The following NYAP2 variants were observed in gnomAD, a reference collection of about 807,000 sequenced individuals.
NYAP2 encodes the protein neuronal tyrosine-phosphorylated phosphoinositide-3-kinase adapter 2.
In NYAP2, 23 loss-of-function variants were observed where a neutral mutation model predicts 50.4. The observed-to-expected ratio is 0.46, with a 90% CI of 0.33 to 0.65. The LOEUF (loss-of-function observed/expected upper bound fraction) is 0.65. Among genes scored for constraint, NYAP2 ranks in the 30% least tolerant of loss-of-function variants. The pLI, the probability that NYAP2 is intolerant of heterozygous loss-of-function variation, is 0.02. For synonymous variants in NYAP2, 394 were observed against 365.2 expected, an observed-to-expected ratio of 1.08 and a Z score of -0.90; for missense variants, 885 against 861.0, an observed-to-expected ratio of 1.03 and a Z score of -0.35.
At chr2:225,587,183 G>A (rs1016954702) in intron 5 of NYAP2, among the ~76,000 whole-genome samples, 15 of 152,148 alleles carry the variant, frequency 9.9e-5, no homozygotes, top group Admixed American at 8.5e-4. Context: ...AATTTGAGAT[G>A]AGATTTGGTG....
intron 5 of NYAP2, among the ~76,000 whole-genome samples, chr2:225,593,394 A>G (rs371786004): frequency 1.3e-5 from 2 of 152,288 alleles, no homozygotes; most frequent in African/African-American, 4.8e-5. Context: ...GTAAATCTCC[A>G]AAGGGAGGAC....
chr2:225,647,054 C>G (rs757673911), intron 6 of NYAP2, among the ~76,000 whole-genome samples: 14 of 152,040 alleles, frequency 9.2e-5, no homozygotes, highest in Non-Finnish European at 1.6e-4. Context: ...AGCCTTTGAT[C>G]TGGTTAGATA....
intron 6 of NYAP2, among the ~76,000 whole-genome samples, chr2:225,650,607 C>T (rs191756760): frequency 6.6e-6 from 1 of 152,348 alleles, no homozygotes; most frequent in East Asian, 1.9e-4. Context: ...TGTAACTCCT[C>T]ACAGAAGCTG....
chr2:225,648,984 A>G (rs906319052), intron 6 of NYAP2, among the ~76,000 whole-genome samples: 1 of 152,246 alleles, frequency 6.6e-6, no homozygotes, highest in African/African-American at 2.4e-5. Context: ...GAAGGAATGC[A>G]TATCACAGGT....
At chr2:225,446,547 C>T (rs1278234246) in intron 3 of NYAP2, among the ~76,000 whole-genome samples, 3 of 151,772 alleles carry the variant, frequency 2.0e-5, no homozygotes, top group East Asian at 1.9e-4. Context: ...TATGAAAATA[C>T]AAAGTTATAT....
chr2:225,629,252 A>G (rs1340653651), intron 6 of NYAP2, among the ~76,000 whole-genome samples: 2 of 152,196 alleles, frequency 1.3e-5, no homozygotes, highest in Non-Finnish European at 2.9e-5. Flanking sequence ...TCAAGAAGAA[A>G]GAGTAAATTT....
chr2:225,499,729 G>A (rs1460312173), intron 3 of NYAP2, among the ~76,000 whole-genome samples: 1 of 152,142 alleles, frequency 6.6e-6, no homozygotes, highest in African/African-American at 2.4e-5. Context: ...TTGCCGTCTT[G>A]TTCAAAGGTG....
intron 6 of NYAP2, among the ~76,000 whole-genome samples, chr2:225,648,983 C>G (rs1420070075): frequency 6.6e-6 from 1 of 152,082 alleles, no homozygotes. Flanking sequence ...TGAAGGAATG[C>G]ATATCACAGG....
At chr2:225,491,885 C>T (rs1407071025) in intron 3 of NYAP2, among the ~76,000 whole-genome samples, 5 of 152,288 alleles carry the variant, frequency 3.3e-5, no homozygotes, top group East Asian at 1.9e-4. Context: ...AGTTTATTTT[C>T]GTTATGCATT....
chr2:225,481,271 A>G (rs1027097860), intron 3 of NYAP2, among the ~76,000 whole-genome samples: 3 of 152,152 alleles, frequency 2.0e-5, no homozygotes, highest in Non-Finnish European at 2.9e-5. Flanking sequence ...GTTTACATCC[A>G]TGGTCAAATT....
At chr2:225,425,447 A>G (rs561501679) in intron 3 of NYAP2, among the ~76,000 whole-genome samples, 1 of 152,322 alleles carries the variant, frequency 6.6e-6, no homozygotes, top group Admixed American at 6.5e-5. Context: ...CCATTAAGCA[A>G]ATTATTTAGT....
chr2:225,425,141 A>T (rs1326653306), intron 3 of NYAP2, among the ~76,000 whole-genome samples: 1 of 152,138 alleles, frequency 6.6e-6, no homozygotes, highest in Non-Finnish European at 1.5e-5. Flanking sequence ...ATGTCTGTGG[A>T]CTGGCCATGT....
chr2:225,549,172 T>C (rs959475726), intron 4 of NYAP2, among the ~76,000 whole-genome samples: 1 of 152,154 alleles, frequency 6.6e-6, no homozygotes, highest in Non-Finnish European at 1.5e-5. Context: ...TGAGCCACCA[T>C]GCCCAGCCAG....
intron 6 of NYAP2, among the ~76,000 whole-genome samples, chr2:225,634,770 T>G (rs953817975): frequency 1.2e-4 from 19 of 152,146 alleles, no homozygotes; most frequent in African/African-American, 4.6e-4. Flanking sequence ...ATAAGACATT[T>G]GCAGCCATAA....
the NYAP2 span, among the ~76,000 whole-genome samples, chr2:225,689,583 A>G: frequency 1.3e-5 from 2 of 152,156 alleles, no homozygotes; most frequent in Admixed American, 6.5e-5. Flanking sequence ...CAATATGTCT[A>G]TATCTCAAAA....
intron 4 of NYAP2, among the ~76,000 whole-genome samples, chr2:225,579,513 G>C (rs1692233871): frequency 6.6e-6 from 1 of 152,158 alleles, no homozygotes; most frequent in South Asian, 2.1e-4. Context: ...GATATAGAGG[G>C]GCTTTATTTC....
intron 4 of NYAP2, among the ~76,000 whole-genome samples, chr2:225,558,458 G>A (rs568905477): frequency 6.6e-6 from 1 of 152,118 alleles, no homozygotes; most frequent in East Asian, 1.9e-4. Flanking sequence ...TATGACCCCC[G>A]TCCTCCATCT....
At chr2:225,518,042 C>T (rs189241004) in intron 4 of NYAP2, among the ~76,000 whole-genome samples, 34 of 152,126 alleles carry the variant, frequency 2.2e-4, no homozygotes, top group Non-Finnish European at 4.0e-4. Context: ...GCAATCTTCA[C>T]AATAGCCAAG....
rs377222689 is a variant in NYAP2 at position 225,629,680 on chromosome 2, C to A, written c.1828+2554C>A. ...GCTGGGTCAAAACATGGTGGAAGTT[C>A]AAAGGGGAAGTAGATATGTATGAAG... is the stretch of plus-strand genomic sequence containing the variant. On this transcript the variant is annotated intron_variant, in intron 6 of 6. Transcript: ENST00000636099. Among the ~76,000 whole-genome samples, 8 of 152,132 alleles carry A rather than the reference C, an allele frequency of 5.3e-5. No individual in the cohort carries two copies. In the East Asian group the frequency reaches 9.7e-4, roughly 18 times the overall value.
Sources: gnomAD v4.1 joint callset for allele counts (sites outside exome capture counted in the v4.1 genomes callset) on GRCh38, gnomAD v4.1.1 for gene constraint, MANE v1.5 for transcripts, NCBI Gene and HGNC (gene_info 2026-07-23, HGNC 2026-07-21) for gene names.